The following DOCK3 variants were observed in gnomAD, a reference collection of about 807,000 sequenced individuals.
DOCK3 encodes dedicator of cytokinesis 3, also known as dedicator of cytokinesis protein 3.
A neutral mutation model predicts 265.6 loss-of-function variants in DOCK3; 60 were observed. The observed-to-expected ratio is 0.23, with a 90% CI of 0.18 to 0.28. The LOEUF (loss-of-function observed/expected upper bound fraction) is 0.28, where lower values mean the gene tolerates loss of function less well. Among genes scored for constraint, DOCK3 ranks in the 10% least tolerant of loss-of-function variants. The pLI is 1.00. For synonymous variants in DOCK3, 881 were observed against 938.0 expected (o/e 0.94, Z 1.11); for missense variants, 1,981 against 2,594.3 (o/e 0.76, Z 5.14).
rs1218356579 is a variant in DOCK3 at position 51,151,317 on chromosome 3, G to A, written c.828+4687G>A. Among the ~76,000 whole-genome samples the A allele has an allele frequency of 3.9e-5, 6 of 152,022 alleles. No individual in the cohort carries two copies. In the East Asian group the frequency reaches 1.2e-3, roughly 29 times the overall value. On this transcript the variant is annotated intron_variant, in intron 10 of 52. Coordinates refer to ENST00000266037, the MANE Select transcript of DOCK3 (RefSeq NM_004947.5). ...GGGCATTTAGCCCATTTACATTTAA[G>A]GTCAATATTGTTATGTGTGACCTGA...
chr3:51,373,404 C>G (rs771086320), intron 49 of DOCK3, among the ~76,000 whole-genome samples: 10 of 152,224 alleles, frequency 6.6e-5, no homozygotes, highest in Non-Finnish European at 1.0e-4. Context: ...GCTTGAGATC[C>G]AGGTGATCCT....
chr3:50,736,891 T>C (rs1442629925), intron 1 of DOCK3, among the ~76,000 whole-genome samples: 1 of 151,842 alleles, frequency 6.6e-6, no homozygotes, highest in Non-Finnish European at 1.5e-5. Context: ...AGAGACGGGG[T>C]TTCACCGTGT....
chr3:51,191,035 T>G (rs1261367139), intron 12 of DOCK3, among the ~76,000 whole-genome samples: 1 of 152,164 alleles, frequency 6.6e-6, no homozygotes, highest in African/African-American at 2.4e-5. Flanking sequence ...CTTACATAGT[T>G]GGCAAGGCAG....
intron 35 of DOCK3, among the ~76,000 whole-genome samples, chr3:51,333,818 A>G (rs142175028): frequency 1.3e-5 from 2 of 151,650 alleles, no homozygotes; most frequent in Admixed American, 1.3e-4. Context: ...AGATCTTCAT[A>G]TTATGTCCAG....
chr3:50,849,747 T>TC (rs1192624357), intron 3 of DOCK3, among the ~76,000 whole-genome samples: 2 of 152,198 alleles, frequency 1.3e-5, no homozygotes, highest in African/African-American at 4.8e-5. Context: ...GATGCCTTTT[T>TC]CACAGCTTGC....
chr3:50,918,123 T>C (rs932394845), intron 4 of DOCK3, among the ~76,000 whole-genome samples: 14 of 152,180 alleles, frequency 9.2e-5, no homozygotes, highest in African/African-American at 1.2e-4. Context: ...TATTCCATGG[T>C]GTATGTGTGC....
At chr3:51,308,101 T>A (rs1308953806) in intron 27 of DOCK3, among the ~76,000 whole-genome samples, 1 of 152,146 alleles carries the variant, frequency 6.6e-6, no homozygotes, top group East Asian at 1.9e-4. Context: ...AGGCTCTGGT[T>A]TTCATGACTT....
chr3:50,855,502 T>C (rs1483336463), intron 3 of DOCK3, among the ~76,000 whole-genome samples: 1 of 152,122 alleles, frequency 6.6e-6, no homozygotes, highest in East Asian at 1.9e-4. Flanking sequence ...GGTTTTTGTA[T>C]GTTGATTTTT....
chr3:50,986,830 A>G (rs2077920584), intron 5 of DOCK3, among the ~76,000 whole-genome samples: 2 of 152,372 alleles, frequency 1.3e-5, no homozygotes, highest in Admixed American at 6.5e-5. Flanking sequence ...ACAAGAAAAG[A>G]TGTTAAAGAT....
intron 9 of DOCK3, among the ~76,000 whole-genome samples, chr3:51,128,333 A>G (rs931501510): frequency 6.6e-6 from 1 of 152,166 alleles, no homozygotes; most frequent in Admixed American, 6.5e-5. Context: ...CCTTCTAGAG[A>G]ACTTTGCCCC....
chr3:50,921,173 T>C (rs1345635927), intron 4 of DOCK3, among the ~76,000 whole-genome samples: 1 of 152,206 alleles, frequency 6.6e-6, no homozygotes, highest in Non-Finnish European at 1.5e-5. Flanking sequence ...CTTCCAGTTA[T>C]GTGGTCAGTT....
At chr3:51,341,566 A>G (rs767633195) in intron 38 of DOCK3, among the ~76,000 whole-genome samples, 181 bp downstream of exon 38, 3 of 152,172 alleles carry the variant, frequency 2.0e-5, no homozygotes, top group Admixed American at 6.5e-5. Flanking sequence ...GAAAAAGACA[A>G]CAGCCTAATT....
At chr3:51,305,727 T>TGC (rs1553847743) in intron 27 of DOCK3, among the ~76,000 whole-genome samples, 696 of 44,694 alleles carry the variant, frequency 0.016, 7 homozygotes, top group East Asian at 0.12. Context: ...TGTGTGTGTG[T>TGC]GTGTGCGCGT....
chr3:51,061,347 T>C (rs922674281), intron 5 of DOCK3, among the ~76,000 whole-genome samples: 1 of 151,964 alleles, frequency 6.6e-6, no homozygotes, highest in Non-Finnish European at 1.5e-5. Flanking sequence ...ATTAAGAAAA[T>C]GTGGCACATA....
chr3:51,041,162 G>GTGTA (rs1449167574), intron 5 of DOCK3, among the ~76,000 whole-genome samples: 45 of 30,880 alleles, frequency 1.5e-3, no homozygotes, highest in Non-Finnish European at 3.0e-3. Flanking sequence ...CTTACAAAAT[G>GTGTA]TATATATATA....
At chr3:50,889,053 T>C (rs1350686108) in intron 3 of DOCK3, among the ~76,000 whole-genome samples, 5 of 148,062 alleles carry the variant, frequency 3.4e-5, no homozygotes, top group Non-Finnish European at 5.9e-5. Flanking sequence ...GTATAAAATA[T>C]ATTTAAGCCA....
intron 12 of DOCK3, among the ~76,000 whole-genome samples, chr3:51,198,850 G>A (rs1199174295): frequency 2.6e-5 from 4 of 152,144 alleles, no homozygotes; most frequent in African/African-American, 2.4e-5. Flanking sequence ...ACAACATGGT[G>A]AAAGCCTGTC....
chr3:51,036,354 A>G (rs895091563), intron 5 of DOCK3, among the ~76,000 whole-genome samples: 1 of 152,144 alleles, frequency 6.6e-6, no homozygotes, highest in African/African-American at 2.4e-5. Flanking sequence ...CCCTATGGCT[A>G]TAATATAGTC....
chr3:50,909,808 T>C (rs986521530), intron 4 of DOCK3, among the ~76,000 whole-genome samples: 6 of 152,016 alleles, frequency 3.9e-5, no homozygotes, highest in Non-Finnish European at 5.9e-5. Context: ...TATCCTGAAG[T>C]ATGTTTTCCA....
Sources: gnomAD v4.1 joint callset for allele counts (sites outside exome capture counted in the v4.1 genomes callset) on GRCh38, gnomAD v4.1.1 for gene constraint, MANE v1.5 for transcripts, NCBI Gene and HGNC (gene_info 2026-07-23, HGNC 2026-07-21) for gene names.